Variants in CTNNA3 observed in about 807,000 individuals in gnomAD.
The protein encoded by CTNNA3 is catenin alpha 3, also known as catenin alpha-3.
CTNNA3 carries 76 observed loss-of-function variants against 95.7 expected under a neutral mutation model. The ratio of observed to expected loss-of-function variants is 0.79; its 90% CI spans 0.66 to 0.96. The LOEUF (loss-of-function observed/expected upper bound fraction) is 0.96, where lower values mean the gene tolerates loss of function less well. CTNNA3 is among the 40% of genes least tolerant of loss of function. The pLI, the probability that CTNNA3 is intolerant of heterozygous loss-of-function variation, is 0.00. For synonymous variants in CTNNA3, 431 were observed against 374.4 expected (o/e 1.15, Z -1.74); for missense variants, 1,191 against 1,089.8 (o/e 1.09, Z -1.31).
intron 7 of CTNNA3, among the ~76,000 whole-genome samples, chr10:66,842,528 T>G (rs373052230): frequency 2.6e-5 from 4 of 152,196 alleles, no homozygotes; most frequent in African/African-American, 9.6e-5. Context: ...CTGGTCAGTG[T>G]GGTTATGTAG....
chr10:65,980,566 T>C (rs988084021), intron 16 of CTNNA3, among the ~76,000 whole-genome samples: 5 of 150,724 alleles, frequency 3.3e-5, no homozygotes, highest in African/African-American at 1.2e-4. Flanking sequence ...CAAATATCCC[T>C]AATGAAAATA....
At chr10:66,534,513 AT>A (rs1028932716) in intron 10 of CTNNA3, among the ~76,000 whole-genome samples, 13 of 147,476 alleles carry the variant, frequency 8.8e-5, no homozygotes, top group African/African-American at 3.2e-4. Flanking sequence ...TATATATATG[AT>A]TTTTATCATA....
intron 9 of CTNNA3, among the ~76,000 whole-genome samples, chr10:66,717,642 C>T (rs1207397743): frequency 1.3e-5 from 2 of 152,058 alleles, no homozygotes; most frequent in Non-Finnish European, 2.9e-5. Flanking sequence ...ACAATGTGGA[C>T]GTAGGAAGCA....
intron 7 of CTNNA3, among the ~76,000 whole-genome samples, chr10:66,789,750 C>T (rs780561637): frequency 1.6e-4 from 25 of 152,172 alleles, no homozygotes; most frequent in East Asian, 3.9e-4. Context: ...AGTAATGTGA[C>T]GTGGGGATAG....
chr10:66,557,453 C>A (rs1294783484), intron 10 of CTNNA3, among the ~76,000 whole-genome samples: 1 of 152,010 alleles, frequency 6.6e-6, no homozygotes, highest in Admixed American at 6.6e-5. Context: ...TGGTATATAC[C>A]ATGTTCAGTC....
chr10:67,354,851 C>T lies in CTNNA3; in HGVS notation c.580-134981G>A, dbSNP rs148715251. Reference sequence around the variant, plus strand: ...AAGCAAACATTTTAAATTTGGGTGACGATATGAGCTTTCCCTGAAAACTTT... The same window carrying T: ...AAGCAAACATTTTAAATTTGGGTGATGATATGAGCTTTCCCTGAAAACTTT... On this transcript the variant is annotated intron_variant, in intron 5 of 17. Coordinates refer to ENST00000433211, the MANE Select transcript of CTNNA3 (RefSeq NM_013266.4). Among the ~76,000 whole-genome samples, 14 of 151,938 alleles carry T rather than the reference C, an allele frequency of 9.2e-5. No homozygotes were observed. The East Asian group carries it at 1.9e-3, about 21-fold the overall frequency.
At chr10:66,538,442 T>C (rs191199601) in intron 10 of CTNNA3, among the ~76,000 whole-genome samples, 2 of 152,146 alleles carry the variant, frequency 1.3e-5, no homozygotes, top group African/African-American at 4.8e-5. Context: ...GTATATTTAG[T>C]GACTTTGGAT....
At chr10:65,929,726 G>A (rs1463968385) in intron 17 of CTNNA3, among the ~76,000 whole-genome samples, 7 of 151,678 alleles carry the variant, frequency 4.6e-5, no homozygotes, top group African/African-American at 1.2e-4. Flanking sequence ...CCGCCACCAC[G>A]CCCTGCTAAT....
chr10:66,419,646 A>C lies in CTNNA3; in HGVS notation c.1532-40294T>G, dbSNP rs528729188. On this transcript the variant is annotated intron_variant, in intron 11 of 17. Transcript: ENST00000433211. ...ACTACCTGACTTCAAATTATATTAC[A>C]GGGCTATAATAACCAAAACACTTGG... 3.7e-4 allele frequency among the ~76,000 whole-genome samples: 57 copies of C among 152,318 alleles called. 1 individual carries two copies. Among genetic ancestry groups the C allele is most frequent in the Middle Eastern group, 3.4e-3 (1 of 294 alleles).
At position 67,693,206 on chromosome 10, in the gene CTNNA3, A is replaced by T. The variant is rs76647488; in HGVS notation, c.-6+2794T>A. ...TTTAAGCATGTGAAAAATCAGATGT[A>T]TCGGCTAACAGTCCTGTTCACCTTC... On this transcript the variant is annotated intron_variant, in intron 1 of 17. Transcript: ENST00000433211. Among the ~76,000 whole-genome samples the T allele has an allele frequency of 2.9e-3, 449 of 152,332 alleles. 4 individuals are homozygous for T. Among genetic ancestry groups the T allele is most frequent in the African/African-American group, 0.01 (425 of 41,576 alleles).
rs74403498 is a variant in CTNNA3 at position 67,531,064 on chromosome 10, G to A, written c.459+8439C>T. Among the ~76,000 whole-genome samples the A allele has an allele frequency of 5.1e-3, 773 of 152,328 alleles. 22 individuals carry two copies. In the East Asian group the frequency reaches 0.077, roughly 15 times the overall value. On this transcript the variant is annotated intron_variant, in intron 4 of 17. Transcript: ENST00000433211. ...TAGATTTTAGAGAATTTATGGAAAC[G>A]CTTGTATGTCCAGGTAGAAGTTTGC... is the stretch of plus-strand genomic sequence containing the variant.
intron 9 of CTNNA3, among the ~76,000 whole-genome samples, chr10:66,753,740 A>C (rs1839258460): frequency 6.6e-6 from 1 of 151,926 alleles, no homozygotes; most frequent in Admixed American, 6.6e-5. Flanking sequence ...GCAATAAAAA[A>C]ATCTGAAAAT....
rs918041580 is a variant in CTNNA3, at chr10:67,296,858, C to G, written c.580-76988G>C. Among the ~76,000 whole-genome samples the G allele has an allele frequency of 2.1e-5, 3 of 142,262 alleles. No homozygotes were observed. The Admixed American group carries it at 2.2e-4, about 11-fold the overall frequency. 93.3% of individuals were successfully genotyped at this position (142,262 alleles called of 152,430 possible). The stretch of plus-strand genomic sequence containing the variant: ...CTGAGGCAGGAGAATCGCTTCAACC[C>G]GGGAGGCAGAGGTTGCAGTGAGCCA... On this transcript the variant is annotated intron_variant, in intron 5 of 17. Transcript: ENST00000433211.
At chr10:66,568,976 T>C (rs1331093901) in intron 10 of CTNNA3, among the ~76,000 whole-genome samples, 1 of 151,968 alleles carries the variant, frequency 6.6e-6, no homozygotes, top group African/African-American at 2.4e-5. Context: ...CAGAAAGTAC[T>C]CTGACTATAG....
rs376454417 is a variant in CTNNA3, at chr10:65,985,378, T to A, written c.2265+3314A>T. Among the ~76,000 whole-genome samples the A allele has an allele frequency of 6.2e-4, 94 of 151,336 alleles. 2 individuals are homozygous for A. In the South Asian group the frequency reaches 0.018, roughly 30 times the overall value. ...AATATTAATTGAATATCTCAACACA[T>A]TAATGAAAGCAACAGATTTTTCAGT... On this transcript the variant is annotated intron_variant, in intron 16 of 17. Transcript: ENST00000433211.
chr10:67,663,059 G>A (rs888367218), intron 1 of CTNNA3, among the ~76,000 whole-genome samples: 59 of 152,012 alleles, frequency 3.9e-4, no homozygotes, highest in African/African-American at 1.2e-3. Flanking sequence ...AAGTGTCTTG[G>A]CCCTTCTTGT....
intron 7 of CTNNA3, among the ~76,000 whole-genome samples, chr10:67,167,430 TC>T (rs1861821569): frequency 6.6e-6 from 1 of 152,138 alleles, no homozygotes; most frequent in Non-Finnish European, 1.5e-5. Context: ...AGTTGAGCAC[TC>T]CAAAACAATC....
intron 11 of CTNNA3, among the ~76,000 whole-genome samples, chr10:66,479,637 A>C (rs1374801906): frequency 1.3e-5 from 2 of 152,064 alleles, no homozygotes; most frequent in East Asian, 3.8e-4. Context: ...GTGAATCATA[A>C]GTACTTTGAA....
intron 11 of CTNNA3, among the ~76,000 whole-genome samples, chr10:66,430,876 T>TG (rs750406450): frequency 1.4e-4 from 22 of 152,146 alleles, no homozygotes; most frequent in Non-Finnish European, 2.8e-4. Flanking sequence ...CCAAAAGCAA[T>TG]GGCAACAAGA....
Sources: allele counts gnomAD v4.1 joint callset (sites outside exome capture counted in the v4.1 genomes callset), GRCh38; gene constraint gnomAD v4.1.1; transcripts MANE v1.5; gene names NCBI Gene and HGNC (gene_info 2026-07-23, HGNC 2026-07-21).